Variants in CPNE4 observed in about 807,000 individuals in gnomAD.
The protein encoded by CPNE4 is copine-4.
Under a neutral mutation model 67.9 loss-of-function variants are expected in CPNE4, and 25 were observed. The ratio of observed to expected loss-of-function variants is 0.37; its 90% CI spans 0.27 to 0.51. The LOEUF is 0.51. Among genes scored for constraint, CPNE4 ranks in the 20% least tolerant of loss-of-function variants. CPNE4 has a pLI of 0.93. For missense variants in CPNE4, 464 were observed against 690.8 expected (o/e 0.67, Z 3.68); for synonymous variants, 242 against 244.9 (o/e 0.99, Z 0.11).
intron 2 of CPNE4, among the ~76,000 whole-genome samples, chr3:131,787,186 T>C (rs970239628): frequency 1.3e-5 from 2 of 152,186 alleles, no homozygotes; most frequent in African/African-American, 2.4e-5. Context: ...GAAGGGCTGA[T>C]TTGCCAACTT....
At chr3:131,658,622 C>T (rs2080041086) in intron 7 of CPNE4, among the ~76,000 whole-genome samples, 1 of 152,214 alleles carries the variant, frequency 6.6e-6, no homozygotes, top group Admixed American at 6.5e-5. Context: ...AGTATAAACA[C>T]TGCAGACAGG....
chr3:131,570,813 A>T (rs1937300643), intron 10 of CPNE4, among the ~76,000 whole-genome samples: 1 of 152,082 alleles, frequency 6.6e-6, no homozygotes, highest in Non-Finnish European at 1.5e-5. Flanking sequence ...CAGGTGACCA[A>T]AAAAGAATAA....
chr3:131,951,943 C>T (rs1456875959), intron 1 of CPNE4, among the ~76,000 whole-genome samples: 1 of 152,190 alleles, frequency 6.6e-6, no homozygotes, highest in African/African-American at 2.4e-5. Context: ...CCTGCCTTGG[C>T]CTCCCAAAGT....
chr3:131,623,180 A>G (rs188342500), intron 7 of CPNE4, among the ~76,000 whole-genome samples: 16 of 152,224 alleles, frequency 1.1e-4, no homozygotes, highest in Admixed American at 2.6e-4. Context: ...CTATTTTTAT[A>G]TCATCTTTTT....
chr3:131,966,345 T>C (rs534825519), intron 1 of CPNE4, among the ~76,000 whole-genome samples: 3 of 152,024 alleles, frequency 2.0e-5, no homozygotes, highest in South Asian at 4.2e-4. Flanking sequence ...ATTCAAAAGC[T>C]AGCAGAAGAC....
At chr3:131,960,483 C>G (rs2072133501) in intron 1 of CPNE4, among the ~76,000 whole-genome samples, 1 of 152,184 alleles carries the variant, frequency 6.6e-6, no homozygotes, top group South Asian at 2.1e-4. Flanking sequence ...GTCATGAGGT[C>G]AGCTTGCTCT....
chr3:131,536,301 G>A (rs1163343522), intron 15 of CPNE4, among the ~76,000 whole-genome samples: 1 of 152,192 alleles, frequency 6.6e-6, no homozygotes, highest in African/African-American at 2.4e-5. Context: ...AGCAGAGAAA[G>A]GTTGAAGCTG....
At chr3:131,559,145 A>G (rs757155049) in intron 11 of CPNE4, among the ~76,000 whole-genome samples, 6 of 152,048 alleles carry the variant, frequency 3.9e-5, no homozygotes, top group Non-Finnish European at 8.8e-5. Flanking sequence ...GTTTTGCTTT[A>G]AATAAATTTT....
intron 3 of CPNE4, among the ~76,000 whole-genome samples, chr3:131,712,889 C>T (rs1342903095): frequency 6.6e-6 from 1 of 152,172 alleles, no homozygotes; most frequent in Non-Finnish European, 1.5e-5. Flanking sequence ...GATTTACAGC[C>T]AGTACTTCTG....
chr3:131,859,224 C>T (rs1049574686), intron 2 of CPNE4, among the ~76,000 whole-genome samples: 2 of 152,116 alleles, frequency 1.3e-5, no homozygotes, highest in Admixed American at 6.6e-5. Context: ...TAATTATAAA[C>T]AGCACTCCAT....
chr3:131,605,164 ATTC>A (rs1219545052), intron 7 of CPNE4, among the ~76,000 whole-genome samples: 1 of 152,122 alleles, frequency 6.6e-6, no homozygotes, highest in East Asian at 1.9e-4. Flanking sequence ...TGGCTCATTT[ATTC>A]TTCTTTGAAT....
At chr3:131,545,480 T>C (rs1935776149) in intron 14 of CPNE4, among the ~76,000 whole-genome samples, 1 of 152,176 alleles carries the variant, frequency 6.6e-6, no homozygotes, top group African/African-American at 2.4e-5. Flanking sequence ...AATCAACAAA[T>C]CAAATTAATA....
intron 1 of CPNE4, among the ~76,000 whole-genome samples, chr3:132,032,644 C>A (rs1173769538): frequency 6.6e-6 from 1 of 152,204 alleles, no homozygotes; most frequent in African/African-American, 2.4e-5. Flanking sequence ...CTATTTTATG[C>A]ACCTCTCTAC....
chr3:131,741,817 C>T (rs755013241), intron 2 of CPNE4, among the ~76,000 whole-genome samples: 64 of 152,310 alleles, frequency 4.2e-4, no homozygotes, highest in Non-Finnish European at 8.4e-4. Flanking sequence ...CTATCTTGGC[C>T]TCCCCTGTAG....
chr3:131,925,711 CG>C (rs2070875348), intron 1 of CPNE4: 1 of 152,132 alleles, frequency 6.6e-6, no homozygotes, highest in African/African-American at 2.4e-5. Context: ...GTAAATGCCT[CG>C]AATTCTTGCA....
intron 2 of CPNE4, among the ~76,000 whole-genome samples, chr3:131,852,965 A>G (rs1424082814): frequency 6.6e-6 from 1 of 151,792 alleles, no homozygotes. Flanking sequence ...TTTTTTAAAT[A>G]TTTTAAATAA....
intron 2 of CPNE4, among the ~76,000 whole-genome samples, chr3:131,873,145 G>T (rs556365491): frequency 1.3e-5 from 2 of 152,232 alleles, no homozygotes; most frequent in South Asian, 4.2e-4. Flanking sequence ...TTTAACTATT[G>T]CAAGATTGGG....
intron 2 of CPNE4, among the ~76,000 whole-genome samples, chr3:131,871,824 A>G (rs538300790): frequency 1.4e-4 from 21 of 152,106 alleles, no homozygotes; most frequent in Non-Finnish European, 2.4e-4. Context: ...TGTACCTGAA[A>G]TTATCTTCTC....
At chr3:131,937,319 T>C (rs1424638315) in intron 1 of CPNE4, among the ~76,000 whole-genome samples, 1 of 152,212 alleles carries the variant, frequency 6.6e-6, no homozygotes, top group Admixed American at 6.5e-5. Flanking sequence ...CAGACTTGCA[T>C]CCGATTTTTC....
Sources: gnomAD v4.1 joint callset for allele counts (sites outside exome capture counted in the v4.1 genomes callset) on GRCh38, gnomAD v4.1.1 for gene constraint, MANE v1.5 for transcripts, NCBI Gene and HGNC (gene_info 2026-07-23, HGNC 2026-07-21) for gene names.